Variants in PDE1B observed in about 807,000 individuals in gnomAD.
PDE1B encodes dual specificity calcium/calmodulin-dependent 3',5'-cyclic nucleotide phosphodiesterase 1B.
A neutral mutation model predicts 66.7 loss-of-function variants in PDE1B; 13 were observed. The observed-to-expected ratio is 0.19, with a 90% CI of 0.13 to 0.31. The LOEUF is 0.31. Among genes scored for constraint, PDE1B ranks in the 10% least tolerant of loss-of-function variants. The pLI, the probability that PDE1B is intolerant of heterozygous loss-of-function variation, is 1.00. For missense variants in PDE1B, 485 were observed against 682.3 expected, an observed-to-expected ratio of 0.71 and a Z score of 3.22; for synonymous variants, 230 against 253.9, an observed-to-expected ratio of 0.91 and a Z score of 0.90.
intron 2 of PDE1B, among the ~76,000 whole-genome samples, chr12:54,564,684 C>T (rs1035961007): frequency 2.0e-5 from 3 of 152,150 alleles, no homozygotes; most frequent in Non-Finnish European, 2.9e-5. Flanking sequence ...CAGCAGATCC[C>T]TGGACAGAAA....
intron 6 of PDE1B, chr12:54,572,391 T>A: frequency 4.9e-6 from 3 of 611,528 alleles, no homozygotes; most frequent in Non-Finnish European, 5.9e-6. Flanking sequence ...TGCAATTAAG[T>A]ATCTGAGGCA....
intron 2 of PDE1B, chr12:54,561,460 TG>T (rs2121066487): frequency 7.8e-7 from 1 of 1,289,132 alleles, no homozygotes; most frequent in South Asian, 2.4e-5. Context: ...TCTGGTCAGT[TG>T]CTCAGTTCTA....
chr12:54,567,860 A>ATTT (rs200110175), intron 3 of PDE1B, among the ~76,000 whole-genome samples: 13 of 150,348 alleles, frequency 8.6e-5, no homozygotes, highest in African/African-American at 3.2e-4. Flanking sequence ...ATATATATAT[A>ATTT]TATTTTTTTG....
chr12:54,573,213 C>A lies in PDE1B; in HGVS notation c.801C>A (p.His267Gln). The change falls in exon 8 of 16, where the codon CAC becomes CAA. Residue 267 changes from histidine to glutamine, a missense_variant. This residue lies in a region of PDE1B where 282 missense variants were observed against 453.4 expected (regional missense o/e 0.62). Coordinates refer to ENST00000243052, the MANE Select transcript of PDE1B (RefSeq NM_000924.4). The surrounding 1 kb of genome is among the most constrained non-coding windows in gnomAD (Gnocchi z 5.2). The part of the protein sequence containing the change: ...IFAAAIHDYE[H>Q]TGTTNSFHIQ... ...CTGCAGCTATCCATGATTATGAGCA[C>A]ACGGGCACTACCAACAGCTTCCACA... 6.2e-7 allele frequency: 1 copy of A among 1,614,026 alleles called. No homozygotes were observed. The highest frequency in any genetic ancestry group is 2.2e-5 in the East Asian group (1 of 44,878).
intron 2 of PDE1B, among the ~76,000 whole-genome samples, chr12:54,550,670 A>G (rs1957264634): frequency 6.6e-6 from 1 of 152,116 alleles, no homozygotes; most frequent in African/African-American, 2.4e-5. Flanking sequence ...AGAAATATTG[A>G]TTGACAAAGG....
intron 2 of PDE1B, among the ~76,000 whole-genome samples, chr12:54,550,784 T>C (rs1957266274): frequency 6.6e-6 from 1 of 152,020 alleles, no homozygotes; most frequent in Admixed American, 6.5e-5. Flanking sequence ...CCAGGGCATG[T>C]GGGGAGGAAT....
Position 54,573,870 on chromosome 12 carries a change from A to AGTGTGTGTGTGT in PDE1B, c.1064+192_1064+203dup. The AGTGTGTGTGTGT allele has an allele frequency of 6.0e-6, 3 of 499,162 alleles. No individual in the cohort carries two copies. Among genetic ancestry groups the AGTGTGTGTGTGT allele is most frequent in the Non-Finnish European group, 1.1e-5 (3 of 281,060 alleles). The allele number at this position is 499,162 out of a possible 1,614,324, so 30.9% of individuals were successfully genotyped here. ...GCATCTCTATGTGAGAGAGAGAGAG[A>AGTGTGTGTGTGT]GTGTGTGTGTGTGTGTGTGTGTGTG... On this transcript the variant is annotated intron_variant, in intron 10 of 15. Transcript: ENST00000243052. This position sits in a 1 kb window ranked among gnomAD's most constrained non-coding sequence, Gnocchi z 5.2.
At chr12:54,563,254 G>A (rs966689817) in intron 2 of PDE1B, among the ~76,000 whole-genome samples, 1 of 152,190 alleles carries the variant, frequency 6.6e-6, no homozygotes, top group Non-Finnish European at 1.5e-5. Context: ...CAGAAGCTAT[G>A]GTGGAATGGG....
chr12:54,564,995 T>C (rs1223942269), intron 2 of PDE1B, among the ~76,000 whole-genome samples: 2 of 152,160 alleles, frequency 1.3e-5, no homozygotes, highest in Non-Finnish European at 2.9e-5. Flanking sequence ...ATTGTGAGGA[T>C]AAAATGAGAT....
intron 2 of PDE1B, chr12:54,561,698 C>A: frequency 8.0e-7 from 1 of 1,251,596 alleles, no homozygotes; most frequent in Non-Finnish European, 1.1e-6. Flanking sequence ...GCTCATGGAT[C>A]CACCAGTTGT....
In PDE1B at chr12:54,569,365, C is replaced by T. The variant is rs750295065; in HGVS notation, c.409C>T (p.Arg137Trp). 2.5e-6 allele frequency: 4 copies of T among 1,600,860 alleles called. No homozygotes were observed. The highest frequency in any genetic ancestry group is 2.2e-5 in the South Asian group (2 of 89,424). The change falls in exon 4 of 16, where the codon CGG becomes TGG. Residue 137 changes from arginine (R) to tryptophan (W), a missense_variant and splice_region_variant. This residue lies in a region of PDE1B where 282 missense variants were observed against 453.4 expected (regional missense o/e 0.62). Transcript: ENST00000243052. The surrounding 1 kb of genome is among the most constrained non-coding windows in gnomAD (Gnocchi z 4.4). The part of the protein sequence containing the change: ...HAVQAGIFVE[R>W]MFRRTYTSVG... ...TGTGCAGGCTGGGATCTTCGTGGAA[C>T]GGTGAGGCTCGCCCACACTCAGCCT...
rs375995456 is a variant in PDE1B at position 54,560,197 on chromosome 12, T to C, written c.114-6777T>C. On this transcript the variant is annotated intron_variant, in intron 2 of 15. Coordinates refer to ENST00000243052, the MANE Select transcript of PDE1B (RefSeq NM_000924.4). Reference sequence around the variant, plus strand: ...CGAAGCCCACTTCCACTTGTCCCAGTACTCAGTGGAACTGAGAAACAGCAG... The same window carrying C: ...CGAAGCCCACTTCCACTTGTCCCAGCACTCAGTGGAACTGAGAAACAGCAG... 8.1e-4 allele frequency among the ~76,000 whole-genome samples: 123 copies of C among 152,330 alleles called. 4 individuals carry two copies. In the South Asian group the frequency reaches 0.012, roughly 15 times the overall value.
intron 2 of PDE1B, among the ~76,000 whole-genome samples, chr12:54,564,309 G>A (rs1405976635): frequency 1.4e-5 from 2 of 147,504 alleles, no homozygotes; most frequent in Non-Finnish European, 3.0e-5. Flanking sequence ...CCAGAGCTAT[G>A]ATCTGGGTGA....
chr12:54,577,439 C>G, intron 15 of PDE1B, 94 bp downstream of exon 15: 1 of 1,607,252 alleles, frequency 6.2e-7, no homozygotes, highest in South Asian at 1.1e-5. Context: ...GCGACATTCT[C>G]TCTCCCCTTT....
In PDE1B at chr12:54,576,672, A is replaced by G; in HGVS notation, c.1478A>G (p.Lys493Arg). 1 of 1,612,580 alleles carries G rather than the reference A, an allele frequency of 6.2e-7. No individual in the cohort carries two copies. Among genetic ancestry groups the G allele is most frequent in the Non-Finnish European group, 8.5e-7 (1 of 1,179,346 alleles). ...TGGGTCAAGCGCATTCAGGAGAATA[A>G]GCAGAAATGGAAGGAACGGGCAGCA... is the stretch of plus-strand genomic sequence containing the variant. ...STWVKRIQEN[K>R]QKWKERAASG... The change falls in exon 14 of 16, where the codon AAG becomes AGG. Residue 493 changes from lysine (K) to arginine (R), a missense_variant. Around this residue, in one of 4 missense-constraint regions of PDE1B, gnomAD observed 126 missense variants for 133.8 expected, o/e 0.94. Transcript: ENST00000243052.
intron 2 of PDE1B, among the ~76,000 whole-genome samples, chr12:54,558,351 C>G (rs1438426270): frequency 6.6e-6 from 1 of 152,024 alleles, no homozygotes; most frequent in African/African-American, 2.4e-5. Flanking sequence ...TCATCCCACC[C>G]CCACCCGTAG....
Position 54,575,236 on chromosome 12 carries a change from C to T in PDE1B, c.1185+18C>T. 4 of 1,610,794 alleles carry T rather than the reference C, an allele frequency of 2.5e-6. No homozygotes were observed. The highest frequency in any genetic ancestry group is 3.4e-6 in the Non-Finnish European group (4 of 1,177,220). On this transcript the variant is annotated intron_variant, in intron 11 of 15. Transcript: ENST00000243052. This position sits in a 1 kb window ranked among gnomAD's most constrained non-coding sequence, Gnocchi z 4.0. The stretch of plus-strand genomic sequence containing the variant: ...TCCGTCAGGTAGCGTGGCATCTTTG[C>T]CTTCCCTGTGCCTATGGGGGCCTTC...
chr12:54,550,753 T>C (rs1957265685), intron 2 of PDE1B, among the ~76,000 whole-genome samples: 3 of 152,180 alleles, frequency 2.0e-5, no homozygotes, highest in Admixed American at 2.0e-4. Flanking sequence ...CATTTGGGCA[T>C]CTTTTCCTAT....
Position 54,575,738 on chromosome 12 carries a change from A to G in PDE1B, c.1267+106A>G. The G allele has an allele frequency of 5.5e-6, 5 of 907,088 alleles. No individual in the cohort carries two copies. The highest frequency in any genetic ancestry group is 2.1e-4 in the Middle Eastern group (1 of 4,666). 56.2% of individuals were successfully genotyped at this position (907,088 alleles called of 1,614,324 possible). On this transcript the variant is annotated intron_variant, in intron 12 of 15. Transcript: ENST00000243052. This position sits in a 1 kb window ranked among gnomAD's most constrained non-coding sequence, Gnocchi z 4.0. The stretch of plus-strand genomic sequence containing the variant: ...AATCCCCCCAAACCATTCTTCCTGT[A>G]GAGGAAAGCCTACTGTGCTAGAGCA...
Sources: gnomAD v4.1 joint callset for allele counts (sites outside exome capture counted in the v4.1 genomes callset) on GRCh38, gnomAD v4.1.1 for gene constraint, gnomAD v4.1.1 regional missense constraint, Gnocchi (gnomAD v3.1) non-coding constraint, MANE v1.5 for transcripts, NCBI Gene and HGNC (gene_info 2026-07-23, HGNC 2026-07-21) for gene names.